BMPER: variants seen among roughly 807,000 people sequenced by gnomAD.
BMPER encodes the protein BMP binding endothelial regulator.
A neutral mutation model predicts 87.3 loss-of-function variants in BMPER; 45 were observed. That is an observed-to-expected ratio of 0.52 (90% CI 0.41 to 0.66). BMPER has a LOEUF of 0.66. Ranked by LOEUF, BMPER falls within the 30% of genes least tolerant of loss-of-function variation. The pLI is 0.00. For synonymous variants in BMPER, 326 were observed against 316.2 expected, an observed-to-expected ratio of 1.03 and a Z score of -0.33; for missense variants, 784 against 867.5, an observed-to-expected ratio of 0.90 and a Z score of 1.21.
At chr7:34,129,622 G>GAGAGAGAGAGAGAGAGAGAAAGAA (rs1790512934) in intron 13 of BMPER, among the ~76,000 whole-genome samples, 1 of 67,132 alleles carries the variant, frequency 1.5e-5, no homozygotes. Context: ...GAGAGAGAGA[G>GAGAGAGAGAGAGAGAGAGAAAGAA]AGAAAGAGAG....
At chr7:34,106,129 G>A (rs1789812648) in intron 13 of BMPER, among the ~76,000 whole-genome samples, 1 of 152,144 alleles carries the variant, frequency 6.6e-6, no homozygotes, top group Non-Finnish European at 1.5e-5. Flanking sequence ...GACATTTCCA[G>A]GGCAAACAGC....
chr7:34,079,784 C>G (rs563369709), intron 12 of BMPER, among the ~76,000 whole-genome samples: 3 of 152,166 alleles, frequency 2.0e-5, no homozygotes, highest in Admixed American at 6.5e-5. Flanking sequence ...TCTATGCCAC[C>G]GAGGCCCCTT....
chr7:34,117,981 A>G (rs1183953919), intron 13 of BMPER, among the ~76,000 whole-genome samples: 6 of 152,176 alleles, frequency 3.9e-5, no homozygotes. Flanking sequence ...CCTAATTTCC[A>G]TTTACTTAAC....
At position 34,153,143 on chromosome 7, in the gene BMPER, T is replaced by G. The variant is rs766586507; in HGVS notation, c.1928T>G (p.Ile643Ser). The change falls in exon 15 of 15, where the codon ATC (isoleucine) becomes AGC (serine). Residue 643 changes from isoleucine (I) to serine (S), a missense_variant. Ile to Ser is a moderately radical substitution (Grantham distance 142, BLOSUM62 -2). Transcript: ENST00000649409. ...TACGATACCTGTGGTCCGGGATGTA[T>G]CAAGACGTGTGACAACTGGAATGAA... ...AVYDTCGPGC[I>S]KTCDNWNEIG... is the part of the protein sequence containing the mutation. The G allele has an allele frequency of 6.2e-7, 1 of 1,614,026 alleles. No individual in the cohort carries two copies. The highest frequency in any genetic ancestry group is 8.5e-7 in the Non-Finnish European group (1 of 1,179,960).
At chr7:34,114,866 G>A (rs1790069147) in intron 13 of BMPER, among the ~76,000 whole-genome samples, 1 of 152,242 alleles carries the variant, frequency 6.6e-6, no homozygotes, top group Non-Finnish European at 1.5e-5. Flanking sequence ...AGGACAGGTG[G>A]ATGAGTTAAG....
chr7:33,923,841 T>C (rs1014494834), intron 2 of BMPER, among the ~76,000 whole-genome samples: 7 of 152,236 alleles, frequency 4.6e-5, no homozygotes, highest in African/African-American at 1.7e-4. Context: ...TTCCTTATCT[T>C]TTCAAACTTT....
At chr7:33,966,726 C>T (rs550246297) in intron 4 of BMPER, among the ~76,000 whole-genome samples, 165 bp downstream of exon 4, 26 of 152,276 alleles carry the variant, frequency 1.7e-4, no homozygotes, top group African/African-American at 4.3e-4. Context: ...GTCACCATAA[C>T]GAGACAGGTG....
At chr7:34,005,380 A>G (rs1019337302) in intron 6 of BMPER, among the ~76,000 whole-genome samples, 1 of 152,068 alleles carries the variant, frequency 6.6e-6, no homozygotes, top group Non-Finnish European at 1.5e-5. Flanking sequence ...TTTTTTCTCA[A>G]TACACACCTC....
intron 4 of BMPER, among the ~76,000 whole-genome samples, chr7:33,966,794 T>C (rs1377522407): frequency 6.6e-6 from 1 of 152,232 alleles, no homozygotes. Flanking sequence ...TTGTCCACCA[T>C]TGTTAAATTG....
At chr7:33,935,238 G>A (rs192770314) in intron 2 of BMPER, among the ~76,000 whole-genome samples, 2 of 152,234 alleles carry the variant, frequency 1.3e-5, no homozygotes, top group African/African-American at 2.4e-5. Context: ...CAGTATGCTT[G>A]GCTTCAGATT....
chr7:34,025,696 G>T, intron 6 of BMPER, among the ~76,000 whole-genome samples: 1 of 151,956 alleles, frequency 6.6e-6, no homozygotes, highest in Non-Finnish European at 1.5e-5. Flanking sequence ...AGAAGAGATC[G>T]GGAGACTCAA....
chr7:33,933,380 A>G (rs891881822), intron 2 of BMPER, among the ~76,000 whole-genome samples: 1 of 151,766 alleles, frequency 6.6e-6, no homozygotes, highest in African/African-American at 2.4e-5. Context: ...AGAAAGAGGG[A>G]CACACGGGAG....
chr7:34,052,957 C>T (rs759636203), intron 8 of BMPER, among the ~76,000 whole-genome samples: 11 of 152,160 alleles, frequency 7.2e-5, no homozygotes, highest in Admixed American at 3.9e-4. Flanking sequence ...GTATAGCACC[C>T]GCTTCTTGCC....
At chr7:34,006,052 C>T (rs112801573) in intron 6 of BMPER, among the ~76,000 whole-genome samples, 6,994 of 152,024 alleles carry the variant, frequency 0.046, 179 homozygotes, top group African/African-American at 0.062. Context: ...GGGTATTCCC[C>T]TGCATGCTTG....
chr7:33,992,228 C>T (rs915337776), intron 6 of BMPER, among the ~76,000 whole-genome samples: 8 of 133,786 alleles, frequency 6.0e-5, no homozygotes, highest in African/African-American at 1.2e-4. Flanking sequence ...GTTAAAGTCT[C>T]CCATTATTAA....
At chr7:33,992,644 A>G (rs1786258795) in intron 6 of BMPER, among the ~76,000 whole-genome samples, 1 of 147,928 alleles carries the variant, frequency 6.8e-6, no homozygotes, top group South Asian at 2.2e-4. Context: ...TTATGTGTGA[A>G]TTTGATCCTG....
intron 8 of BMPER, 24 bp from the exon 9 acceptor site, chr7:34,055,139 T>A: frequency 6.2e-7 from 1 of 1,614,094 alleles, no homozygotes. Context: ...ATTTTTAATT[T>A]CTATTTTGCC....
chr7:34,061,917 A>G, intron 10 of BMPER, 85 bp from the exon 11 acceptor site: 1 of 1,154,856 alleles, frequency 8.7e-7, no homozygotes. Context: ...CTTGTATTAG[A>G]TTTTAAAAAG....
At chr7:34,008,333 TGTA>T (rs1786789493) in intron 6 of BMPER, among the ~76,000 whole-genome samples, 1 of 152,028 alleles carries the variant, frequency 6.6e-6, no homozygotes, top group Non-Finnish European at 1.5e-5. Flanking sequence ...CTGTTGATTC[TGTA>T]GTAGTATTTT....
Sources: gnomAD v4.1 joint callset for allele counts (sites outside exome capture counted in the v4.1 genomes callset) on GRCh38, gnomAD v4.1.1 for gene constraint, MANE v1.5 for transcripts, NCBI Gene and HGNC (gene_info 2026-07-23, HGNC 2026-07-21) for gene names.